The following BRINP1 variants were observed in gnomAD, a reference collection of about 807,000 sequenced individuals.
BRINP1 encodes BMP/retinoic acid inducible neural specific 1.
Under a neutral mutation model 72.9 loss-of-function variants are expected in BRINP1, and 17 were observed. The observed-to-expected ratio is 0.23, with a 90% confidence interval of 0.16 to 0.35. The LOEUF is 0.35. Ranked by LOEUF, BRINP1 falls within the 10% of genes least tolerant of loss-of-function variation. The pLI is 1.00. For missense variants in BRINP1, 850 were observed against 1,001.6 expected (o/e 0.85, Z 2.04); for synonymous variants, 418 against 378.5 (o/e 1.10, Z -1.21).
chr9:119,315,410 C>T (rs1004425026), intron 1 of BRINP1, among the ~76,000 whole-genome samples: 1 of 151,864 alleles, frequency 6.6e-6, no homozygotes, highest in East Asian at 1.9e-4. Context: ...TTTGGGTGCA[C>T]CATGAACTGG....
At chr9:119,292,537 CGAAT>C (rs1038596179) in intron 2 of BRINP1, among the ~76,000 whole-genome samples, 27 of 152,046 alleles carry the variant, frequency 1.8e-4, no homozygotes, top group African/African-American at 6.3e-4. Flanking sequence ...AATATGTAAA[CGAAT>C]GAATGAAAAC....
At chr9:119,298,306 C>A (rs752307146) in intron 2 of BRINP1, among the ~76,000 whole-genome samples, 2 of 152,156 alleles carry the variant, frequency 1.3e-5, no homozygotes, top group Non-Finnish European at 2.9e-5. Context: ...CTTTCAGTTC[C>A]TCTTTTGAGT....
chr9:119,198,555 C>T (rs936441425), intron 7 of BRINP1, among the ~76,000 whole-genome samples: 19 of 152,192 alleles, frequency 1.2e-4, no homozygotes, highest in African/African-American at 3.9e-4. Flanking sequence ...TTGATAGGCT[C>T]GTGCTTTATT....
At chr9:119,304,085 G>A (rs1418232258) in intron 2 of BRINP1, among the ~76,000 whole-genome samples, 1 of 151,812 alleles carries the variant, frequency 6.6e-6, no homozygotes, top group Non-Finnish European at 1.5e-5. Context: ...TCACCATGTT[G>A]GCCAGTCCGG....
In BRINP1 at chr9:119,167,298, GACGAAGAGGAATAGA is replaced by G; in HGVS notation, c.2057_2071del (p.Phe686_Ser690del). ...AATATCCAACAAGAGGAGCATCACT[GACGAAGAGGAATAGA>G]ACTGGCCGCCCTGTGTGTAGGACTG... On this transcript the variant is annotated inframe_deletion, in exon 8 of 8. Coordinates refer to ENST00000265922, the MANE Select transcript of BRINP1 (RefSeq NM_014618.3). This position sits in a 1 kb window ranked among gnomAD's most constrained non-coding sequence, Gnocchi z 4.3. The G allele has an allele frequency of 3.7e-6, 6 of 1,614,160 alleles. No individual in the cohort carries two copies. Among genetic ancestry groups the G allele is most frequent in the Non-Finnish European group, 5.1e-6 (6 of 1,180,024 alleles).
At position 119,316,550 on chromosome 9, in the gene BRINP1, C is replaced by T. The variant is rs572102459; in HGVS notation, c.-50-3145G>A. On this transcript the variant is annotated intron_variant, in intron 1 of 7. Transcript: ENST00000265922. The stretch of plus-strand genomic sequence containing the variant: ...TGACTTTAAGTTGACGCCAAATGCT[C>T]ACCTACCATTCCAAAAATCCTAGGG... Among the ~76,000 whole-genome samples, 6 of 152,218 alleles carry T rather than the reference C, an allele frequency of 3.9e-5. No individual in the cohort carries two copies. The South Asian group carries it at 1.0e-3, about 26-fold the overall frequency.
chr9:119,251,885 T>TG lies in BRINP1; in HGVS notation c.219-2736dup, dbSNP rs200700088. Among the ~76,000 whole-genome samples the TG allele has an allele frequency of 4.6e-3, 703 of 152,182 alleles. 7 individuals are homozygous for TG. Among genetic ancestry groups the TG allele is most frequent in the East Asian group, 6.0e-3 (31 of 5,166 alleles). ...TCTAATTAATAGAATATGAAAGTGA[T>TG]GGAGTGTCACTTTCACGTTTCAGTT... On this transcript the variant is annotated intron_variant, in intron 2 of 7. Coordinates refer to ENST00000265922, the MANE Select transcript of BRINP1 (RefSeq NM_014618.3).
At chr9:119,343,017 T>G (rs745938277) in intron 1 of BRINP1, among the ~76,000 whole-genome samples, 1 of 152,228 alleles carries the variant, frequency 6.6e-6, no homozygotes. Flanking sequence ...GGCGGATGCC[T>G]GGGTCAAATC....
chr9:119,185,453 G>A (rs1829607037), intron 7 of BRINP1, among the ~76,000 whole-genome samples: 1 of 152,164 alleles, frequency 6.6e-6, no homozygotes, highest in Non-Finnish European at 1.5e-5. Context: ...GAGTGCATTA[G>A]CCTTTGTACT....
At chr9:119,296,995 T>A (rs949263689) in intron 2 of BRINP1, among the ~76,000 whole-genome samples, 4 of 152,168 alleles carry the variant, frequency 2.6e-5, no homozygotes, top group African/African-American at 7.2e-5. Context: ...TGAAATTTGC[T>A]AAGAGAATAA....
intron 7 of BRINP1, among the ~76,000 whole-genome samples, chr9:119,195,325 A>G (rs1829725766): frequency 6.6e-6 from 1 of 152,238 alleles, no homozygotes; most frequent in Non-Finnish European, 1.5e-5. Context: ...ATTAATGTAA[A>G]TATTATTTGA....
chr9:119,248,191 C>T (rs1216147771), intron 3 of BRINP1, among the ~76,000 whole-genome samples: 1 of 152,228 alleles, frequency 6.6e-6, no homozygotes, highest in Non-Finnish European at 1.5e-5. Flanking sequence ...ATGGGCCATA[C>T]CTAAATGCAG....
chr9:119,253,932 G>C (rs911974240), intron 2 of BRINP1, among the ~76,000 whole-genome samples: 1 of 152,116 alleles, frequency 6.6e-6, no homozygotes, highest in Admixed American at 6.5e-5. Flanking sequence ...TTTGAAGATA[G>C]GTTTATGTGG....
chr9:119,195,087 C>T (rs991387242), intron 7 of BRINP1, among the ~76,000 whole-genome samples: 10 of 152,090 alleles, frequency 6.6e-5, no homozygotes, highest in Non-Finnish European at 1.0e-4. Flanking sequence ...TTTAGCCTTC[C>T]TGAGCCTCAG....
At chr9:119,209,054 T>C in intron 6 of BRINP1, 113 bp from the exon 7 acceptor site, 1 of 864,364 alleles carries the variant, frequency 1.2e-6, no homozygotes, top group Non-Finnish European at 1.8e-6. Flanking sequence ...AACATAATTT[T>C]TTTTTCTTAA....
chr9:119,273,583 A>C (rs1830627375), intron 2 of BRINP1, among the ~76,000 whole-genome samples: 2 of 152,308 alleles, frequency 1.3e-5, no homozygotes, highest in South Asian at 4.1e-4. Flanking sequence ...ACTTAGTCTA[A>C]TTCAAACTGC....
intron 1 of BRINP1, among the ~76,000 whole-genome samples, chr9:119,351,023 A>G (rs1196242577): frequency 6.6e-6 from 1 of 151,896 alleles, no homozygotes; most frequent in African/African-American, 2.4e-5. Flanking sequence ...CTATGTTTTA[A>G]GCCCCACATG....
rs1453391347 is a variant in BRINP1 at position 119,226,329 on chromosome 9, C to T, written c.686-12174G>A. On this transcript the variant is annotated intron_variant, in intron 5 of 7. Transcript: ENST00000265922. Reference sequence around the variant, plus strand: ...CTCATTTCTGCACAATCAATGAGATCGACAAGGAATCTAATGGGACATGGT... The same window carrying T: ...CTCATTTCTGCACAATCAATGAGATTGACAAGGAATCTAATGGGACATGGT... 4.6e-5 allele frequency among the ~76,000 whole-genome samples: 7 copies of T among 152,002 alleles called. No individual in the cohort carries two copies. In the South Asian group the frequency reaches 6.2e-4, roughly 14 times the overall value.
At chr9:119,259,662 T>C (rs1251184210) in intron 2 of BRINP1, among the ~76,000 whole-genome samples, 1 of 152,220 alleles carries the variant, frequency 6.6e-6, no homozygotes, top group Non-Finnish European at 1.5e-5. Context: ...ATTGCAATTA[T>C]ATGAATTTTT....
Sources: gnomAD v4.1 joint callset for allele counts (sites outside exome capture counted in the v4.1 genomes callset) on GRCh38, gnomAD v4.1.1 for gene constraint, Gnocchi (gnomAD v3.1) non-coding constraint, MANE v1.5 for transcripts, NCBI Gene and HGNC (gene_info 2026-07-23, HGNC 2026-07-21) for gene names.